CLTCL1: variants seen among roughly 807,000 people sequenced by gnomAD.
The protein encoded by CLTCL1 is clathrin heavy chain like 1, also known as clathrin heavy chain 2.
In CLTCL1, 159 loss-of-function variants were observed where a neutral mutation model predicts 190.0. The observed-to-expected ratio is 0.84, with a 90% CI of 0.74 to 0.95. CLTCL1 has a LOEUF of 0.95. CLTCL1 is among the 40% of genes least tolerant of loss of function. CLTCL1 has a pLI of 0.00. For synonymous variants in CLTCL1, 752 were observed against 769.6 expected (o/e 0.98, Z 0.38); for missense variants, 1,878 against 2,033.4 (o/e 0.92, Z 1.47).
Position 19,222,089 on chromosome 22 carries a change from T to G in CLTCL1, c.2423A>C (p.Asn808Thr). The part of the protein sequence containing the change: ...RYIEIYVQKV[N>T]PSRTPAVIGG... Reference sequence around the variant, plus strand: ...AATCACAGCTGGGGTCCGGCTAGGGTTGACCTAGGGTAGTCAAGGTCAAGT... The same window carrying G: ...AATCACAGCTGGGGTCCGGCTAGGGGTGACCTAGGGTAGTCAAGGTCAAGT... The change falls in exon 16 of 33, where the codon AAC (asparagine) becomes ACC (threonine). Residue 808 changes from asparagine (N) to threonine (T), a missense_variant. Asn to Thr is a moderately conservative substitution (Grantham distance 65). Coordinates refer to ENST00000427926, the MANE Select transcript of CLTCL1 (RefSeq NM_007098.4). 1 of 1,613,720 alleles carries G rather than the reference T, an allele frequency of 6.2e-7. No individual in the cohort carries two copies. Among genetic ancestry groups the G allele is most frequent in the Non-Finnish European group, 8.5e-7 (1 of 1,179,814 alleles).
At chr22:19,283,273 A>AT (rs200354365) in intron 1 of CLTCL1, among the ~76,000 whole-genome samples, 5 of 150,568 alleles carry the variant, frequency 3.3e-5, no homozygotes, top group Non-Finnish European at 1.5e-5. Flanking sequence ...TTTTAAAAAA[A>AT]TTTTCTTTCT....
At chr22:19,202,714 C>T (rs782382098) in intron 22 of CLTCL1, among the ~76,000 whole-genome samples, 1 of 152,200 alleles carries the variant, frequency 6.6e-6, no homozygotes, top group Non-Finnish European at 1.5e-5. Flanking sequence ...CTTCCATCAC[C>T]CATGGCATCT....
At position 19,220,178 on chromosome 22, in the gene CLTCL1, C is replaced by T. The variant is rs530236587; in HGVS notation, c.2797-171G>A. Reference sequence around the variant, plus strand: ...GATGAGCAGCATCCTACAGGGTTAACGATGGACTCAAACTACCTCAAAATG... The same window carrying T: ...GATGAGCAGCATCCTACAGGGTTAATGATGGACTCAAACTACCTCAAAATG... On this transcript the variant is annotated intron_variant, in intron 17 of 32. Coordinates refer to ENST00000427926, the MANE Select transcript of CLTCL1 (RefSeq NM_007098.4). Among the ~76,000 whole-genome samples, 12 of 152,264 alleles carry T rather than the reference C, an allele frequency of 7.9e-5. No homozygotes were observed. The South Asian group carries it at 1.9e-3, about 24-fold the overall frequency.
At chr22:19,189,054 C>A (rs1018059887) in intron 27 of CLTCL1, among the ~76,000 whole-genome samples, 4 of 151,616 alleles carry the variant, frequency 2.6e-5, no homozygotes, top group Admixed American at 6.6e-5. Flanking sequence ...CAGGTGCGCG[C>A]CCACCACACC....
At position 19,207,774 on chromosome 22, in the gene CLTCL1, G is replaced by T. The variant is rs145975091; in HGVS notation, c.3600+380C>A. ...ATTCTCACAGAGCACAAACCCTATT[G>T]TGAACAGCACACGCGAGGATCTGTG... On this transcript the variant is annotated intron_variant, in intron 22 of 32. Coordinates refer to ENST00000427926, the MANE Select transcript of CLTCL1 (RefSeq NM_007098.4). The T allele has an allele frequency of 1.2e-4, 69 of 561,068 alleles. No homozygotes were observed. In the East Asian group the frequency reaches 1.9e-3, roughly 16 times the overall value. 34.8% of individuals were successfully genotyped at this position (561,068 alleles called of 1,614,324 possible).
chr22:19,219,722 G>A (rs2085507135), intron 18 of CLTCL1, among the ~76,000 whole-genome samples, 163 bp downstream of exon 18: 1 of 152,204 alleles, frequency 6.6e-6, no homozygotes, highest in African/African-American at 2.4e-5. Flanking sequence ...GAGACCTCAA[G>A]TGATCCACCC....
At position 19,286,943 on chromosome 22, in the gene CLTCL1, C is replaced by T. The variant is rs534914571; in HGVS notation, c.42+4657G>A. ...AAGGTCTCTACACCTGTTTCAAACA[C>T]CGCCTCAGAGACACTTTGAGGGAAC... On this transcript the variant is annotated intron_variant, in intron 1 of 32. Transcript: ENST00000427926. Among the ~76,000 whole-genome samples, 9 of 152,326 alleles carry T rather than the reference C, an allele frequency of 5.9e-5. No homozygotes were observed. In the South Asian group the frequency reaches 1.9e-3, roughly 32 times the overall value.
chr22:19,259,102 T>C (rs2086859383), intron 2 of CLTCL1, among the ~76,000 whole-genome samples: 1 of 152,122 alleles, frequency 6.6e-6, no homozygotes, highest in Non-Finnish European at 1.5e-5. Context: ...ATTGCACTTG[T>C]TTTGTTGTTT....
chr22:19,205,775 T>C (rs1439282753), intron 22 of CLTCL1, among the ~76,000 whole-genome samples: 3 of 152,160 alleles, frequency 2.0e-5, no homozygotes, highest in Non-Finnish European at 4.4e-5. Flanking sequence ...AAAATTCCTT[T>C]CTCATGCAAA....
intron 18 of CLTCL1, among the ~76,000 whole-genome samples, chr22:19,218,237 C>T (rs557027594): frequency 6.6e-6 from 1 of 152,226 alleles, no homozygotes; most frequent in Non-Finnish European, 1.5e-5. Flanking sequence ...CCAGTACCAA[C>T]ATGAAGTCAC....
At chr22:19,239,422 C>T (rs782077459) in intron 4 of CLTCL1, 34 bp from the exon 5 acceptor site, 19 of 1,536,286 alleles carry the variant, frequency 1.2e-5, no homozygotes, top group Admixed American at 1.0e-4. Flanking sequence ...TCAAGGGGAC[C>T]GCCTGTGGTG....
intron 29 of CLTCL1, 34 bp downstream of exon 29, chr22:19,187,524 G>C (rs1555928890): frequency 6.3e-7 from 1 of 1,592,662 alleles, no homozygotes; most frequent in South Asian, 1.1e-5. Flanking sequence ...CACCAAGGCA[G>C]GAAGGTGGGA....
At chr22:19,181,776 C>T (rs1459466889) in intron 30 of CLTCL1, 2 of 152,298 alleles carry the variant, frequency 1.3e-5, no homozygotes, top group African/African-American at 4.8e-5. Flanking sequence ...CTGGGAAACC[C>T]CTTGCCAGCC....
intron 3 of CLTCL1, among the ~76,000 whole-genome samples, chr22:19,252,823 G>A (rs1441623590): frequency 2.0e-5 from 3 of 152,244 alleles, no homozygotes; most frequent in Admixed American, 6.5e-5. Flanking sequence ...GGCCATCCTG[G>A]CTAACACGGA....
Position 19,219,974 on chromosome 22 carries a change from C to A in CLTCL1, c.2830G>T (p.Ala944Ser). The A allele has an allele frequency of 6.2e-7, 1 of 1,614,026 alleles. No homozygotes were observed. The highest frequency in any genetic ancestry group is 8.5e-7 in the Non-Finnish European group (1 of 1,179,900). The change falls in exon 18 of 33, where the codon GCC becomes TCC. Residue 944 changes from alanine (A) to serine (S), a missense_variant. Transcript: ENST00000427926. The stretch of plus-strand genomic sequence containing the variant: ...TCCTTTCTGCATACCAGGTAGCGGG[C>A]CTCGCTTTTGAACAGAGAATTCTCA... ...CNENSLFKSE[A>S]RYLVCRKDPE...
At chr22:19,199,547 C>T (rs547521743) in intron 24 of CLTCL1, among the ~76,000 whole-genome samples, 187 bp downstream of exon 24, 2 of 152,318 alleles carry the variant, frequency 1.3e-5, no homozygotes, top group African/African-American at 4.8e-5. Flanking sequence ...TCGAGGATAG[C>T]TAACAAGGCA....
intron 3 of CLTCL1, among the ~76,000 whole-genome samples, chr22:19,244,264 T>C (rs2086350108): frequency 6.6e-6 from 1 of 152,152 alleles, no homozygotes; most frequent in Admixed American, 6.6e-5. Context: ...CTGTTAACGT[T>C]ATTAAGCAAA....
chr22:19,199,308 C>G (rs191456257), intron 24 of CLTCL1, among the ~76,000 whole-genome samples: 1 of 152,332 alleles, frequency 6.6e-6, no homozygotes, highest in East Asian at 1.9e-4. Flanking sequence ...GGGGTTCCCT[C>G]TCTTGCCTGT....
In CLTCL1 at chr22:19,179,736, G is replaced by A. The variant is rs914829608; in HGVS notation, c.*254C>T. ...CCCCAGGCTCTGGGATGGCTCAGAG[G>A]TTGCCGTCATTGGGTTTCAGCAAAA... On this transcript the variant is annotated 3_prime_UTR_variant, in exon 33 of 33. Coordinates refer to ENST00000427926, the MANE Select transcript of CLTCL1 (RefSeq NM_007098.4). The A allele has an allele frequency of 1.1e-5, 2 of 183,164 alleles. No homozygotes were observed. Among genetic ancestry groups the A allele is most frequent in the East Asian group, 1.4e-4 (1 of 6,912 alleles). The allele number at this position is 183,164 out of a possible 1,614,324, so 11.3% of individuals were successfully genotyped here.
Sources: allele counts gnomAD v4.1 joint callset (sites outside exome capture counted in the v4.1 genomes callset), GRCh38; gene constraint gnomAD v4.1.1; transcripts MANE v1.5; gene names NCBI Gene and HGNC (gene_info 2026-07-23, HGNC 2026-07-21).